ZNF804B: variants seen among roughly 807,000 people sequenced by gnomAD.
The protein encoded by ZNF804B is zinc finger 804B.
A neutral mutation model predicts 101.4 loss-of-function variants in ZNF804B; 80 were observed. The ratio of observed to expected loss-of-function variants is 0.79; its 90% confidence interval spans 0.66 to 0.95. ZNF804B has a LOEUF of 0.95. Ranked by LOEUF, ZNF804B falls within the 40% of genes least tolerant of loss-of-function variation. ZNF804B has a pLI of 0.00. For missense variants in ZNF804B, 1,673 were observed against 1,561.9 expected (o/e 1.07, Z -1.20); for synonymous variants, 622 against 558.8 (o/e 1.11, Z -1.59).
At chr7:89,140,585 G>T (rs1197222702) in intron 1 of ZNF804B, among the ~76,000 whole-genome samples, 2 of 152,054 alleles carry the variant, frequency 1.3e-5, no homozygotes, top group African/African-American at 4.8e-5. Flanking sequence ...GCAATTTTAT[G>T]TTATGTAGAT....
intron 2 of ZNF804B, among the ~76,000 whole-genome samples, chr7:89,224,793 A>G (rs1789061455): frequency 6.6e-6 from 1 of 150,716 alleles, no homozygotes; most frequent in African/African-American, 2.4e-5. Context: ...ACCCAGCAGT[A>G]GTTGCAACCT....
intron 1 of ZNF804B, among the ~76,000 whole-genome samples, chr7:89,048,773 C>A (rs938300645): frequency 6.6e-6 from 1 of 151,818 alleles, no homozygotes; most frequent in African/African-American, 2.4e-5. Flanking sequence ...TCTCGTCATT[C>A]CTTAAGTACT....
At chr7:89,005,222 G>A (rs993204289) in intron 1 of ZNF804B, among the ~76,000 whole-genome samples, 2 of 151,938 alleles carry the variant, frequency 1.3e-5, no homozygotes, top group African/African-American at 4.8e-5. Context: ...TCTGTAAGGA[G>A]CATTATTTTC....
chr7:89,120,358 C>A (rs1790382902), intron 1 of ZNF804B, among the ~76,000 whole-genome samples: 2 of 151,996 alleles, frequency 1.3e-5, no homozygotes, highest in Admixed American at 6.6e-5. Context: ...CCAAAGATTT[C>A]TAAAAAATTA....
chr7:88,963,922 G>T (rs1793422543), intron 1 of ZNF804B, among the ~76,000 whole-genome samples: 1 of 151,358 alleles, frequency 6.6e-6, no homozygotes, highest in African/African-American at 2.4e-5. Flanking sequence ...ATGAAAAGAT[G>T]ATGAACATCA....
At chr7:89,071,535 G>C (rs1249528463) in intron 1 of ZNF804B, among the ~76,000 whole-genome samples, 1 of 152,056 alleles carries the variant, frequency 6.6e-6, no homozygotes, top group African/African-American at 2.4e-5. Flanking sequence ...GGAAGCAGTA[G>C]TGCCCACAGA....
chr7:89,196,932 C>T (rs1042439185), intron 1 of ZNF804B, among the ~76,000 whole-genome samples: 1 of 151,960 alleles, frequency 6.6e-6, no homozygotes, highest in Non-Finnish European at 1.5e-5. Context: ...CATCTCACGC[C>T]AATCAGAATG....
chr7:88,882,219 G>A (rs1295619984), intron 1 of ZNF804B, among the ~76,000 whole-genome samples: 2 of 152,034 alleles, frequency 1.3e-5, no homozygotes, highest in African/African-American at 2.4e-5. Flanking sequence ...TAAAGAACAT[G>A]AGCAGACACT....
chr7:89,278,466 G>C (rs1205344767), intron 2 of ZNF804B, among the ~76,000 whole-genome samples: 1 of 150,562 alleles, frequency 6.6e-6, no homozygotes, highest in Non-Finnish European at 1.5e-5. Context: ...TTTTCTTCTA[G>C]GGTTTTTATG....
intron 1 of ZNF804B, among the ~76,000 whole-genome samples, chr7:89,123,662 T>C (rs1210280072): frequency 6.6e-6 from 1 of 151,916 alleles, no homozygotes; most frequent in Non-Finnish European, 1.5e-5. Context: ...CTCCTAATTT[T>C]CCAGCACTAA....
chr7:89,144,193 C>T (rs1334331326), intron 1 of ZNF804B, among the ~76,000 whole-genome samples: 1 of 152,010 alleles, frequency 6.6e-6, no homozygotes, highest in Non-Finnish European at 1.5e-5. Context: ...ATCACATAAA[C>T]TTAATCCCCT....
intron 1 of ZNF804B, among the ~76,000 whole-genome samples, chr7:89,004,478 G>A (rs1340913607): frequency 1.3e-5 from 2 of 151,706 alleles, no homozygotes; most frequent in African/African-American, 4.8e-5. Context: ...ATAGTTTCTG[G>A]GGTTTTTTTT....
chr7:89,151,422 A>G (rs1790874362), intron 1 of ZNF804B, among the ~76,000 whole-genome samples: 1 of 152,112 alleles, frequency 6.6e-6, no homozygotes, highest in Non-Finnish European at 1.5e-5. Flanking sequence ...TGTACAATCT[A>G]GAAATAACAC....
At chr7:88,925,551 T>C (rs909195708) in intron 1 of ZNF804B, among the ~76,000 whole-genome samples, 1 of 152,166 alleles carries the variant, frequency 6.6e-6, no homozygotes, top group East Asian at 1.9e-4. Flanking sequence ...AAAGTGGTCA[T>C]CTGCAAGCCA....
chr7:89,332,211 C>A (rs1054221612), intron 3 of ZNF804B, among the ~76,000 whole-genome samples: 9 of 151,458 alleles, frequency 5.9e-5, no homozygotes, highest in African/African-American at 2.2e-4. Flanking sequence ...ATTTGGTGGA[C>A]AAAAGGAATG....
chr7:88,962,576 T>C (rs1046320085), intron 1 of ZNF804B, among the ~76,000 whole-genome samples: 1 of 150,524 alleles, frequency 6.6e-6, no homozygotes. Context: ...TACCTAAGAA[T>C]TGGGGTCTAA....
At chr7:89,051,755 C>A (rs1789208902) in intron 1 of ZNF804B, among the ~76,000 whole-genome samples, 1 of 151,856 alleles carries the variant, frequency 6.6e-6, no homozygotes, top group Non-Finnish European at 1.5e-5. Flanking sequence ...TAACAATTTG[C>A]AGTATAGTGT....
At chr7:88,825,731 T>C (rs1367389532) in intron 1 of ZNF804B, among the ~76,000 whole-genome samples, 1 of 152,144 alleles carries the variant, frequency 6.6e-6, no homozygotes, top group Non-Finnish European at 1.5e-5. Context: ...ACTTTGAATT[T>C]TTAAATTCAT....
At chr7:89,307,904 C>T (rs1790589282) in intron 2 of ZNF804B, among the ~76,000 whole-genome samples, 2 of 151,958 alleles carry the variant, frequency 1.3e-5, no homozygotes. Context: ...GCCTAATAAC[C>T]TTTTTTCCTC....
Sources: allele counts gnomAD v4.1 joint callset (sites outside exome capture counted in the v4.1 genomes callset), GRCh38; gene constraint gnomAD v4.1.1; transcripts MANE v1.5; gene names NCBI Gene and HGNC (gene_info 2026-07-23, HGNC 2026-07-21).